TESC: variants seen among roughly 807,000 people sequenced by gnomAD.
The protein encoded by TESC is calcineurin B homologous protein 3.
Under a neutral mutation model 31.0 loss-of-function variants are expected in TESC, and 19 were observed. The ratio of observed to expected loss-of-function variants is 0.61; its 90% CI spans 0.43 to 0.90. The LOEUF is 0.90. Among genes scored for constraint, TESC ranks in the 40% least tolerant of loss-of-function variants. TESC has a pLI of 0.00. For synonymous variants in TESC, 109 were observed against 114.8 expected, an observed-to-expected ratio of 0.95 and a Z score of 0.32; for missense variants, 248 against 303.8, an observed-to-expected ratio of 0.82 and a Z score of 1.36.
intron 2 of TESC, among the ~76,000 whole-genome samples, chr12:117,074,996 A>G (rs1376659585): frequency 6.6e-6 from 1 of 152,026 alleles, no homozygotes. Flanking sequence ...AATACAAAAC[A>G]TTAGCCGAGC....
intron 1 of TESC, among the ~76,000 whole-genome samples, chr12:117,080,335 G>A (rs201451936): frequency 6.6e-6 from 1 of 152,094 alleles, no homozygotes; most frequent in South Asian, 2.1e-4. Context: ...AGGCGTGGTG[G>A]GGCGCACCTG....
chr12:117,098,935 G>C (rs1285517890), intron 1 of TESC, among the ~76,000 whole-genome samples: 3 of 152,202 alleles, frequency 2.0e-5, no homozygotes, highest in African/African-American at 4.8e-5. Flanking sequence ...CCTGCCCTGC[G>C]CTTGGGAAGC....
chr12:117,059,454 C>T (rs958202798), intron 2 of TESC, among the ~76,000 whole-genome samples: 4 of 152,042 alleles, frequency 2.6e-5, no homozygotes, highest in Non-Finnish European at 4.4e-5. Context: ...AAACCCAGTT[C>T]AAAAGAAGGA....
intron 3 of TESC, among the ~76,000 whole-genome samples, chr12:117,054,661 G>C (rs1405382738): frequency 6.6e-6 from 1 of 152,168 alleles, no homozygotes; most frequent in Non-Finnish European, 1.5e-5. Context: ...CCAGTTTCCA[G>C]TGGGACCCTG....
At chr12:117,046,320 T>C (rs989138442) in intron 6 of TESC, among the ~76,000 whole-genome samples, 6 of 152,214 alleles carry the variant, frequency 3.9e-5, no homozygotes, top group African/African-American at 1.4e-4. Flanking sequence ...TGGGGGCTCC[T>C]GGACCCCAAA....
intron 6 of TESC, among the ~76,000 whole-genome samples, chr12:117,043,110 T>C (rs545151528): frequency 5.5e-4 from 83 of 152,102 alleles, no homozygotes; most frequent in African/African-American, 1.8e-3. Context: ...CACGCAAACC[T>C]TTCCTCAGAC....
intron 1 of TESC, among the ~76,000 whole-genome samples, chr12:117,080,330 T>G (rs1250077664): frequency 6.6e-6 from 1 of 151,962 alleles, no homozygotes; most frequent in Non-Finnish European, 1.5e-5. Flanking sequence ...CAGCCAGGCG[T>G]GGTGGGGCGC....
intron 2 of TESC, among the ~76,000 whole-genome samples, chr12:117,064,265 A>T (rs16947295): frequency 0.023 from 3,497 of 152,258 alleles, 58 homozygotes; most frequent in African/African-American, 0.049. Flanking sequence ...TGGCCTCTTA[A>T]TCTCTCAATG....
At chr12:117,075,930 T>TATAA (rs1955064960) in intron 1 of TESC, among the ~76,000 whole-genome samples, 1 of 113,390 alleles carries the variant, frequency 8.8e-6, no homozygotes, top group African/African-American at 4.2e-5. Context: ...TGTGTATATA[T>TATAA]ATATATATAT....
In TESC at chr12:117,062,227, A is replaced by AT. The variant is rs921531635; in HGVS notation, c.129-5342dup. Among the ~76,000 whole-genome samples the AT allele has an allele frequency of 1.7e-3, 253 of 147,640 alleles. 1 individual carries two copies. The highest frequency in any genetic ancestry group is 5.4e-3 in the South Asian group (25 of 4,644). ...TACTTATGCCCATTTTATTTTCTTAATTTTTTTTTTTTGAGACGGAGTCTC... is the reference window on the plus strand; with the variant it reads ...TACTTATGCCCATTTTATTTTCTTAATTTTTTTTTTTTTGAGACGGAGTCTC... On this transcript the variant is annotated intron_variant, in intron 2 of 7. Transcript: ENST00000335209.
intron 1 of TESC, 26 bp downstream of exon 1, chr12:117,099,199 C>T: frequency 6.8e-7 from 1 of 1,478,988 alleles, no homozygotes; most frequent in Non-Finnish European, 8.9e-7. Context: ...GCCCCGGTCC[C>T]CGCGCCGCCC....
At chr12:117,055,725 C>T (rs1303583006) in intron 3 of TESC, among the ~76,000 whole-genome samples, 4 of 152,188 alleles carry the variant, frequency 2.6e-5, no homozygotes, top group Non-Finnish European at 5.9e-5. Context: ...CAGGAGATGC[C>T]ACCAGCCACA....
intron 1 of TESC, among the ~76,000 whole-genome samples, chr12:117,080,101 A>AC (rs1241158417): frequency 1.3e-5 from 2 of 152,158 alleles, no homozygotes; most frequent in Non-Finnish European, 2.9e-5. Context: ...CCAAGGTCCC[A>AC]CAGCTAGGAA....
chr12:117,051,860 C>A (rs1954652017), intron 3 of TESC, among the ~76,000 whole-genome samples: 2 of 152,178 alleles, frequency 1.3e-5, no homozygotes, highest in African/African-American at 4.8e-5. Flanking sequence ...GCAATGACAG[C>A]CAGTGCCAAA....
intron 6 of TESC, among the ~76,000 whole-genome samples, chr12:117,044,906 A>AG (rs1954534903): frequency 1.5e-5 from 2 of 129,400 alleles, no homozygotes; most frequent in South Asian, 5.3e-4. Context: ...CGGGAAAAAA[A>AG]GAAAAAAAAG....
chr12:117,054,765 C>T (rs1160823483), intron 3 of TESC, among the ~76,000 whole-genome samples: 3 of 152,160 alleles, frequency 2.0e-5, no homozygotes, highest in Non-Finnish European at 4.4e-5. Flanking sequence ...CAGGGAAGCC[C>T]CCACGGTCTC....
intron 6 of TESC, among the ~76,000 whole-genome samples, chr12:117,045,861 G>A (rs1053384591): frequency 6.6e-6 from 1 of 152,226 alleles, no homozygotes; most frequent in Non-Finnish European, 1.5e-5. Context: ...TGCCTGAGTG[G>A]TCCCCAGAGG....
intron 3 of TESC, among the ~76,000 whole-genome samples, chr12:117,050,882 G>C (rs1954639211): frequency 6.6e-6 from 1 of 150,552 alleles, no homozygotes; most frequent in Non-Finnish European, 1.5e-5. Context: ...CCAAGATCAC[G>C]CCACTGCACT....
rs1265142816 is a variant in TESC, at chr12:117,075,893, A to ATGTGTG, written c.59-554_59-553insCACACA. The stretch of plus-strand genomic sequence containing the variant: ...TATGTGTGTATATATATATATATAT[A>ATGTGTG]TATATATATATATATATATATGTGT... On this transcript the variant is annotated intron_variant, in intron 1 of 7. Coordinates refer to ENST00000335209, the MANE Select transcript of TESC (RefSeq NM_017899.4). Among the ~76,000 whole-genome samples, 135 of 82,146 alleles carry ATGTGTG rather than the reference A, an allele frequency of 1.6e-3. 3 individuals carry two copies. Among genetic ancestry groups the ATGTGTG allele is most frequent in the South Asian group, 3.3e-3 (9 of 2,710 alleles). 53.9% of individuals were successfully genotyped at this position (82,146 alleles called of 152,430 possible).
Sources: gnomAD v4.1 joint callset for allele counts (sites outside exome capture counted in the v4.1 genomes callset) on GRCh38, gnomAD v4.1.1 for gene constraint, MANE v1.5 for transcripts, NCBI Gene and HGNC (gene_info 2026-07-23, HGNC 2026-07-21) for gene names.